The following ME3 variants were observed in gnomAD, a reference collection of about 807,000 sequenced individuals.
ME3 encodes malic enzyme 3.
Under a neutral mutation model 68.9 loss-of-function variants are expected in ME3, and 48 were observed. The ratio of observed to expected loss-of-function variants is 0.70; its 90% CI spans 0.55 to 0.89. The LOEUF is 0.89. Ranked by LOEUF, ME3 falls within the 40% of genes least tolerant of loss-of-function variation. The probability of loss-of-function intolerance (pLI) is 0.00; values close to 1 mark genes in which losing one functional copy is unlikely to be tolerated. For synonymous variants in ME3, 320 were observed against 318.8 expected, an observed-to-expected ratio of 1.00 and a Z score of -0.04; for missense variants, 675 against 797.4, an observed-to-expected ratio of 0.85 and a Z score of 1.85.
intron 2 of ME3, among the ~76,000 whole-genome samples, chr11:86,644,219 G>A (rs1253171348): frequency 6.6e-6 from 1 of 152,042 alleles, no homozygotes; most frequent in Non-Finnish European, 1.5e-5. Context: ...GCCTCTCCGT[G>A]ACCCCTCCAT....
Position 86,493,530 on chromosome 11 carries a change from C to T in ME3, c.705+4433G>A, listed in dbSNP as rs563461452. ...TCCCATGTAAAACAAGGGGGTTGAA[C>T]GAGATGGTACTCAGGCCCCTTCTAA... On this transcript the variant is annotated intron_variant, in intron 6 of 14. Coordinates refer to ENST00000543262, the Ensembl canonical transcript of ME3. Among the ~76,000 whole-genome samples the T allele has an allele frequency of 3.9e-5, 6 of 152,304 alleles. No homozygotes were observed. The East Asian group carries it at 5.8e-4, about 15-fold the overall frequency.
chr11:86,564,400 C>A (rs1408352079), intron 2 of ME3, among the ~76,000 whole-genome samples: 1 of 150,554 alleles, frequency 6.6e-6, no homozygotes, highest in Non-Finnish European at 1.5e-5. Flanking sequence ...TAGCAAGGGA[C>A]CCCGAACAGC....
rs1953339072 is a variant in ME3 at position 86,509,420 on chromosome 11, ACACACACACG to A, written c.468-563_468-554del. On this transcript the variant is annotated intron_variant, in intron 4 of 14. Transcript: ENST00000543262. ...TCATCACACACACACACACACACAC[ACACACACACG>A]CATGTGCGAAGGCAATGGGGTTTGG... Among the ~76,000 whole-genome samples, 2 of 145,140 alleles carry A rather than the reference ACACACACACG, an allele frequency of 1.4e-5. 1 individual carries two copies. The highest frequency in any genetic ancestry group is 4.4e-4 in the South Asian group (2 of 4,562).
chr11:86,523,831 G>A (rs1021227360), intron 4 of ME3, among the ~76,000 whole-genome samples: 17 of 152,114 alleles, frequency 1.1e-4, no homozygotes, highest in African/African-American at 3.9e-4. Context: ...GGAAATTTCA[G>A]CTGAAATTGA....
At chr11:86,622,361 T>C (rs1943401259) in intron 2 of ME3, among the ~76,000 whole-genome samples, 1 of 151,856 alleles carries the variant, frequency 6.6e-6, no homozygotes, top group Non-Finnish European at 1.5e-5. Context: ...TCCAGTGATA[T>C]ATCTACAGGG....
At chr11:86,505,401 C>T (rs144018511) in intron 5 of ME3, among the ~76,000 whole-genome samples, 104 of 152,246 alleles carry the variant, frequency 6.8e-4, no homozygotes, top group Middle Eastern at 3.4e-3. Context: ...CTGGCTTTTC[C>T]AGAGAAGCCA....
intron 2 of ME3, among the ~76,000 whole-genome samples, chr11:86,628,760 C>T (rs1464083484): frequency 1.3e-5 from 2 of 152,174 alleles, no homozygotes; most frequent in Non-Finnish European, 2.9e-5. Context: ...TAGATTCATG[C>T]AGACCGCAGT....
chr11:86,440,389 C>T (rs753342931), downstream of ME3, among the ~76,000 whole-genome samples: 3 of 152,270 alleles, frequency 2.0e-5, no homozygotes, highest in Admixed American at 6.5e-5. Context: ...ACTGATATTA[C>T]TCACTAAGAA....
At chr11:86,556,840 T>C in intron 3 of ME3, 138 bp from the exon 4 acceptor site, 1 of 847,992 alleles carries the variant, frequency 1.2e-6, no homozygotes, top group South Asian at 1.8e-5. Flanking sequence ...GCCCTGAGCA[T>C]GAGCTTCAAC....
At chr11:86,446,575 C>T in intron 12 of ME3, 88 bp from the exon 13 acceptor site, 1 of 1,260,406 alleles carries the variant, frequency 7.9e-7, no homozygotes, top group Non-Finnish European at 1.1e-6. Context: ...AATGTTGGAC[C>T]CTTCTTCATC....
At chr11:86,613,705 A>G (rs1942757968) in intron 2 of ME3, among the ~76,000 whole-genome samples, 1 of 152,112 alleles carries the variant, frequency 6.6e-6, no homozygotes, top group African/African-American at 2.4e-5. Flanking sequence ...TCATGAATGA[A>G]CTCCCAGTCA....
chr11:86,570,368 C>T (rs1477068479), intron 2 of ME3, among the ~76,000 whole-genome samples: 1 of 152,120 alleles, frequency 6.6e-6, no homozygotes, highest in African/African-American at 2.4e-5. Flanking sequence ...CCTCCTTGTG[C>T]ATATTCCTTC....
rs1946650518 is a variant in ME3 at position 86,667,414 on chromosome 11, T to A, written c.183+4348A>T. The stretch of plus-strand genomic sequence containing the variant: ...GGAAGATGAGAGTCAAGCAGGTGCA[T>A]TTCCTTCAAATGGGCCATATGTAGG... On this transcript the variant is annotated intron_variant, in intron 2 of 14. Transcript: ENST00000543262. Among the ~76,000 whole-genome samples the A allele has an allele frequency of 2.6e-5, 4 of 152,174 alleles. No homozygotes were observed. The South Asian group carries it at 8.3e-4, about 32-fold the overall frequency.
At chr11:86,483,311 C>T (rs568732501) in intron 7 of ME3, among the ~76,000 whole-genome samples, 11 of 152,150 alleles carry the variant, frequency 7.2e-5, no homozygotes, top group East Asian at 3.9e-4. Flanking sequence ...CTGGAGCAAG[C>T]GGGGTTGGCT....
intron 5 of ME3, among the ~76,000 whole-genome samples, chr11:86,503,174 G>T (rs924295601): frequency 1.3e-5 from 2 of 152,114 alleles, no homozygotes; most frequent in African/African-American, 2.4e-5. Flanking sequence ...TCTATAAAAT[G>T]GGGATAACAA....
chr11:86,634,386 T>C (rs1407103014), intron 2 of ME3, among the ~76,000 whole-genome samples: 2 of 152,212 alleles, frequency 1.3e-5, no homozygotes, highest in African/African-American at 2.4e-5. Flanking sequence ...GAGTAGCATG[T>C]CAGCTAATGG....
At chr11:86,668,705 C>T (rs923747884) in intron 2 of ME3, among the ~76,000 whole-genome samples, 1 of 152,212 alleles carries the variant, frequency 6.6e-6, no homozygotes, top group East Asian at 1.9e-4. Context: ...TTGCCCTGGT[C>T]GGCACCTCTT....
chr11:86,498,025 A>C, exon 6 of ME3: 1 of 1,613,542 alleles, frequency 6.2e-7, no homozygotes, highest in South Asian at 1.1e-5. Flanking sequence ...ACCCCTCCGC[A>C]TGCCGTGTAC....
At chr11:86,634,749 G>A (rs951672335) in intron 2 of ME3, among the ~76,000 whole-genome samples, 21 of 152,104 alleles carry the variant, frequency 1.4e-4, no homozygotes, top group African/African-American at 5.1e-4. Context: ...ATAGCAGCTG[G>A]TTTGTCCATT....
Sources: allele counts gnomAD v4.1 joint callset (sites outside exome capture counted in the v4.1 genomes callset), GRCh38; gene constraint gnomAD v4.1.1; transcripts MANE v1.5; gene names NCBI Gene and HGNC (gene_info 2026-07-23, HGNC 2026-07-21).